Variants in RERE observed in about 807,000 individuals in gnomAD.
RERE encodes the protein arginine-glutamic acid dipeptide repeats, also known as arginine-glutamic acid dipeptide repeats protein.
A neutral mutation model predicts 146.1 loss-of-function variants in RERE; 40 were observed. The ratio of observed to expected loss-of-function variants is 0.27; its 90% CI spans 0.21 to 0.36. The LOEUF is 0.36. Among genes scored for constraint, RERE ranks in the 10% least tolerant of loss-of-function variants. The pLI is 1.00. For synonymous variants in RERE, 1,003 were observed against 866.0 expected, an observed-to-expected ratio of 1.16 and a Z score of -2.78; for missense variants, 1,933 against 2,138.7, an observed-to-expected ratio of 0.90 and a Z score of 1.90.
Position 8,423,728 on chromosome 1 carries a change from CG to C in RERE, c.1204-922del, listed in dbSNP as rs1643954336. The C allele has an allele frequency of 2.0e-6, 2 of 978,536 alleles. No individual in the cohort carries two copies. The highest frequency in any genetic ancestry group is 2.4e-6 in the Non-Finnish European group (2 of 826,424). 60.6% of individuals were successfully genotyped at this position (978,536 alleles called of 1,614,324 possible). On this transcript the variant is annotated intron_variant, in intron 11 of 22. Transcript: ENST00000400908. This position sits in a 1 kb window ranked among gnomAD's most constrained non-coding sequence, Gnocchi z 5.4. ...GGCGTGTGACCGCGGCGGGGCCGCGCGGCGCGGGGCCCGGGGGGCGCGGGGC... is the reference window on the plus strand; with the variant it reads ...GGCGTGTGACCGCGGCGGGGCCGCGCGCGCGGGGCCCGGGGGGCGCGGGGC...
intron 1 of RERE, among the ~76,000 whole-genome samples, chr1:8,768,789 T>G (rs1640893376): frequency 6.6e-6 from 1 of 152,126 alleles, no homozygotes; most frequent in Non-Finnish European, 1.5e-5. Flanking sequence ...TCTATTCTCA[T>G]AATACAAGAG....
At chr1:8,743,112 C>T (rs918755273) in intron 1 of RERE, among the ~76,000 whole-genome samples, 8 of 151,834 alleles carry the variant, frequency 5.3e-5, no homozygotes, top group Admixed American at 2.0e-4. Flanking sequence ...GCAGTCTATT[C>T]GAGCTGGGCA....
intron 6 of RERE, among the ~76,000 whole-genome samples, chr1:8,544,810 A>G (rs901209156): frequency 2.0e-5 from 3 of 152,228 alleles, no homozygotes; most frequent in Non-Finnish European, 2.9e-5. Flanking sequence ...CCATATGGTA[A>G]TGATTCATAA....
chr1:8,760,019 A>G (rs1406977574), intron 1 of RERE, among the ~76,000 whole-genome samples: 3 of 152,022 alleles, frequency 2.0e-5, no homozygotes, highest in Admixed American at 2.0e-4. Flanking sequence ...TCATTAGTTT[A>G]GTTTAGTTTT....
At chr1:8,696,040 C>A (rs1311872415) in intron 1 of RERE, among the ~76,000 whole-genome samples, 1 of 152,058 alleles carries the variant, frequency 6.6e-6, no homozygotes, top group African/African-American at 2.4e-5. Flanking sequence ...TATCGTCTCA[C>A]GCCAGTCAGA....
At chr1:8,371,147 C>T (rs755426058) in intron 12 of RERE, among the ~76,000 whole-genome samples, 5 of 152,162 alleles carry the variant, frequency 3.3e-5, no homozygotes, top group African/African-American at 7.2e-5. Context: ...ACAGTGTTCC[C>T]GGCTGCAGCT....
At chr1:8,685,043 A>C (rs904964715) in intron 1 of RERE, among the ~76,000 whole-genome samples, 2 of 151,966 alleles carry the variant, frequency 1.3e-5, no homozygotes, top group African/African-American at 2.4e-5. Flanking sequence ...TTTTTTGTAG[A>C]GACAAGGTCT....
intron 7 of RERE, among the ~76,000 whole-genome samples, chr1:8,535,052 G>A (rs1412722318): frequency 1.3e-5 from 2 of 151,982 alleles, no homozygotes; most frequent in Non-Finnish European, 2.9e-5. Context: ...AGGGGGGAGG[G>A]AGGATCACTT....
intron 9 of RERE, 87 bp from the exon 10 acceptor site, chr1:8,495,249 GC>G: frequency 1.0e-6 from 1 of 964,906 alleles, no homozygotes. Context: ...GACATTTCCA[GC>G]CCAGAACAAA....
At chr1:8,446,320 A>C (rs1198022473) in intron 11 of RERE, among the ~76,000 whole-genome samples, 1 of 150,690 alleles carries the variant, frequency 6.6e-6, no homozygotes, top group Non-Finnish European at 1.5e-5. Context: ...AACCTTGGTG[A>C]ATCTGAAGAT....
At chr1:8,684,463 C>T (rs1203722093) in intron 1 of RERE, among the ~76,000 whole-genome samples, 2 of 151,882 alleles carry the variant, frequency 1.3e-5, no homozygotes, top group Non-Finnish European at 2.9e-5. Context: ...AATGCTGAAA[C>T]ACGGAAGCTT....
intron 10 of RERE, among the ~76,000 whole-genome samples, chr1:8,476,976 T>C (rs1644764977): frequency 1.3e-5 from 2 of 152,170 alleles, no homozygotes; most frequent in African/African-American, 2.4e-5. Context: ...AATAAAACCA[T>C]TGAATTAAGC....
At chr1:8,468,413 T>C (rs557422191) in intron 10 of RERE, among the ~76,000 whole-genome samples, 23 of 152,314 alleles carry the variant, frequency 1.5e-4, no homozygotes, top group South Asian at 1.0e-3. Context: ...TAATCACAGG[T>C]CAACGTGGAT....
chr1:8,682,438 T>C (rs933314978), intron 1 of RERE, among the ~76,000 whole-genome samples: 4 of 152,224 alleles, frequency 2.6e-5, no homozygotes, highest in African/African-American at 9.6e-5. Flanking sequence ...GTTTTATTGT[T>C]TAAATGGAAC....
At chr1:8,395,516 T>A (rs2124432055) in intron 12 of RERE, among the ~76,000 whole-genome samples, 1 of 151,608 alleles carries the variant, frequency 6.6e-6, no homozygotes, top group East Asian at 1.9e-4. Context: ...TCTTTGGTCT[T>A]GTCTGCATAA....
chr1:8,795,093 T>C (rs1641442656), intron 1 of RERE, among the ~76,000 whole-genome samples: 1 of 152,164 alleles, frequency 6.6e-6, no homozygotes, highest in African/African-American at 2.4e-5. Flanking sequence ...AGTGGTGCAA[T>C]CTTGGCTCAC....
intron 4 of RERE, among the ~76,000 whole-genome samples, chr1:8,601,388 C>T (rs1364461172): frequency 6.6e-6 from 1 of 152,076 alleles, no homozygotes; most frequent in African/African-American, 2.4e-5. Flanking sequence ...AATCCAGTTA[C>T]ACTACCCTAC....
chr1:8,766,451 A>T (rs1031685472), intron 1 of RERE, among the ~76,000 whole-genome samples: 2 of 151,780 alleles, frequency 1.3e-5, no homozygotes, highest in African/African-American at 4.8e-5. Context: ...GACGTGGGAG[A>T]ATCACTTGAA....
chr1:8,600,763 T>C (rs1646612301), intron 4 of RERE, among the ~76,000 whole-genome samples: 2 of 149,168 alleles, frequency 1.3e-5, no homozygotes. Context: ...TTTTTTTTTT[T>C]TTTTTTTTTG....
Sources: allele counts gnomAD v4.1 joint callset (sites outside exome capture counted in the v4.1 genomes callset), GRCh38; gene constraint gnomAD v4.1.1; non-coding constraint Gnocchi (gnomAD v3.1); transcripts MANE v1.5; gene names NCBI Gene and HGNC (gene_info 2026-07-23, HGNC 2026-07-21).